CLSTN2: variants seen among roughly 807,000 people sequenced by gnomAD.
CLSTN2 encodes the protein calsyntenin-2.
Under a neutral mutation model 101.2 loss-of-function variants are expected in CLSTN2, and 48 were observed. The ratio of observed to expected loss-of-function variants is 0.47; its 90% CI spans 0.38 to 0.60. CLSTN2 has a LOEUF of 0.60. CLSTN2 is among the 20% of genes least tolerant of loss of function. The pLI is 0.00. For synonymous variants in CLSTN2, 481 were observed against 463.6 expected (o/e 1.04, Z -0.48); for missense variants, 1,160 against 1,238.2 (o/e 0.94, Z 0.95).
intron 1 of CLSTN2, among the ~76,000 whole-genome samples, chr3:140,049,699 C>T (rs989735543): frequency 6.6e-6 from 1 of 152,178 alleles, no homozygotes; most frequent in African/African-American, 2.4e-5. Flanking sequence ...AGTGGCTGAA[C>T]ATGAACTTAA....
At chr3:140,345,801 T>C (rs2087540997) in intron 2 of CLSTN2, among the ~76,000 whole-genome samples, 2 of 152,126 alleles carry the variant, frequency 1.3e-5, no homozygotes, top group Admixed American at 1.3e-4. Flanking sequence ...TTCTTCAGAA[T>C]GGAGCTGGAG....
intron 1 of CLSTN2, among the ~76,000 whole-genome samples, chr3:139,994,953 C>A (rs1378230063): frequency 2.6e-5 from 4 of 152,174 alleles, no homozygotes; most frequent in African/African-American, 4.8e-5. Flanking sequence ...GTCCCAGGCC[C>A]AAAAGACTTT....
intron 11 of CLSTN2, 121 bp downstream of exon 11, chr3:140,556,782 T>C (rs1935805279): frequency 1.1e-6 from 1 of 888,294 alleles, no homozygotes; most frequent in South Asian, 1.7e-5. Context: ...TGTCCTCAAC[T>C]TCTGCTATTC....
intron 1 of CLSTN2, among the ~76,000 whole-genome samples, chr3:139,998,871 C>T (rs191056330): frequency 5.3e-5 from 8 of 152,274 alleles, no homozygotes; most frequent in Admixed American, 5.2e-4. Flanking sequence ...TAGTCACACA[C>T]ACAGGCTACA....
intron 9 of CLSTN2, among the ~76,000 whole-genome samples, chr3:140,534,985 G>A (rs760056626): frequency 3.3e-5 from 5 of 152,116 alleles, no homozygotes; most frequent in Non-Finnish European, 7.3e-5. Context: ...TCTAGTGATC[G>A]CCTCATCAGG....
At chr3:140,245,393 A>G (rs1006542416) in intron 2 of CLSTN2, among the ~76,000 whole-genome samples, 13 of 150,722 alleles carry the variant, frequency 8.6e-5, no homozygotes, top group Non-Finnish European at 1.5e-4. Context: ...ACCAAGCACC[A>G]TCCCCAAGAA....
In CLSTN2 at chr3:140,568,199, ATG is replaced by A. The variant is rs1301245636; in HGVS notation, c.*1949_*1950del. The A allele has an allele frequency of 2.0e-5, 3 of 152,260 alleles. No individual in the cohort carries two copies. Among genetic ancestry groups the A allele is most frequent in the African/African-American group, 7.2e-5 (3 of 41,470 alleles). 9.4% of individuals were successfully genotyped at this position (152,260 alleles called of 1,614,324 possible). On this transcript the variant is annotated 3_prime_UTR_variant, in exon 17 of 17. Transcript: ENST00000458420. ...TAACAGACACTGCTGCAAACCTACT[ATG>A]TGCTAAGCATCCTACCAATAGCTGT... is the stretch of plus-strand genomic sequence containing the variant.
chr3:140,436,746 A>G (rs1329223113), intron 5 of CLSTN2, among the ~76,000 whole-genome samples: 3 of 152,220 alleles, frequency 2.0e-5, no homozygotes, highest in African/African-American at 7.2e-5. Context: ...CTAAAAACTA[A>G]TGCATTCTGA....
chr3:140,442,571 C>T (rs1288812351), intron 5 of CLSTN2, among the ~76,000 whole-genome samples: 1 of 152,122 alleles, frequency 6.6e-6, no homozygotes, highest in Non-Finnish European at 1.5e-5. Flanking sequence ...TAGAATTGAA[C>T]TAAACTTCAA....
At chr3:140,074,134 CTT>C (rs940472319) in intron 1 of CLSTN2, among the ~76,000 whole-genome samples, 1 of 151,472 alleles carries the variant, frequency 6.6e-6, no homozygotes, top group Non-Finnish European at 1.5e-5. Flanking sequence ...TGCTGTTTTG[CTT>C]TTTTTTTCCC....
intron 11 of CLSTN2, among the ~76,000 whole-genome samples, chr3:140,557,556 G>T (rs1000813849): frequency 6.6e-6 from 1 of 152,262 alleles, no homozygotes; most frequent in Middle Eastern, 3.4e-3. Context: ...AAGAAAGGTC[G>T]GGAGTGCTGT....
chr3:140,082,175 G>T (rs1226961392), intron 1 of CLSTN2, among the ~76,000 whole-genome samples: 1 of 152,138 alleles, frequency 6.6e-6, no homozygotes, highest in African/African-American at 2.4e-5. Context: ...TAGAGCAGGA[G>T]AATTTTGAGC....
At chr3:140,410,226 G>T (rs2107983166) in intron 4 of CLSTN2, among the ~76,000 whole-genome samples, 1 of 151,908 alleles carries the variant, frequency 6.6e-6, no homozygotes, top group Non-Finnish European at 1.5e-5. Flanking sequence ...AACCCCAAAA[G>T]ACTTTGCCAT....
At chr3:140,532,162 C>A (rs1298513934) in intron 8 of CLSTN2, among the ~76,000 whole-genome samples, 162 bp from the exon 9 acceptor site, 1 of 152,176 alleles carries the variant, frequency 6.6e-6, no homozygotes, top group Non-Finnish European at 1.5e-5. Context: ...TGATGACAAG[C>A]TTCTATAACT....
chr3:140,289,169 A>C lies in CLSTN2; in HGVS notation c.232+113096A>C, dbSNP rs73228924. Among the ~76,000 whole-genome samples the C allele has an allele frequency of 9.9e-3, 1,506 of 152,258 alleles. 17 individuals carry two copies. Among genetic ancestry groups the C allele is most frequent in the Non-Finnish European group, 0.016 (1,105 of 68,018 alleles). ...TTTACCTGTATCTAATCCTTTAATCATCAGAATTCTATGAGATAAGCTGTG... is the reference window on the plus strand; with the variant it reads ...TTTACCTGTATCTAATCCTTTAATCCTCAGAATTCTATGAGATAAGCTGTG... On this transcript the variant is annotated intron_variant, in intron 2 of 16. Transcript: ENST00000458420.
At chr3:140,266,028 G>T (rs4423726) in intron 2 of CLSTN2, among the ~76,000 whole-genome samples, 80,137 of 152,020 alleles carry the variant, frequency 0.53, 23,394 homozygotes, top group East Asian at 0.96. Context: ...TGATTCGTGG[G>T]TGCCCTAACA....
At chr3:140,484,340 G>T (rs1263957471) in intron 8 of CLSTN2, among the ~76,000 whole-genome samples, 1 of 152,204 alleles carries the variant, frequency 6.6e-6, no homozygotes, top group African/African-American at 2.4e-5. Context: ...TCAGCTGTTA[G>T]TCTGATGGGC....
intron 2 of CLSTN2, among the ~76,000 whole-genome samples, chr3:140,233,136 GATTCTCCCTCTCCCC>G (rs1282581441): frequency 6.6e-6 from 1 of 152,074 alleles, no homozygotes; most frequent in Non-Finnish European, 1.5e-5. Flanking sequence ...TCTGACCCTA[GATTCTCCCTCTCCCC>G]AGCACCCCAC....
rs577718248 is a variant in CLSTN2, at chr3:140,239,267, A to T, written c.232+63194A>T. ...TGTTTTTGTTAGAGTTGCAGAATAG[A>T]TACACACATACAAATACATACACGT... On this transcript the variant is annotated intron_variant, in intron 2 of 16. Coordinates refer to ENST00000458420, the MANE Select transcript of CLSTN2 (RefSeq NM_022131.3). Among the ~76,000 whole-genome samples, 5 of 152,278 alleles carry T rather than the reference A, an allele frequency of 3.3e-5. No individual in the cohort carries two copies. In the East Asian group the frequency reaches 9.7e-4, roughly 29 times the overall value.
Sources: allele counts gnomAD v4.1 joint callset (sites outside exome capture counted in the v4.1 genomes callset), GRCh38; gene constraint gnomAD v4.1.1; transcripts MANE v1.5; gene names NCBI Gene and HGNC (gene_info 2026-07-23, HGNC 2026-07-21).